Variants in ASB13 observed in about 807,000 individuals in gnomAD.
ASB13 encodes the protein ankyrin repeat and SOCS box protein 13.
A neutral mutation model predicts 28.8 loss-of-function variants in ASB13; 33 were observed. That is an observed-to-expected ratio of 1.15 (90% CI 0.87 to 1.53). The LOEUF (loss-of-function observed/expected upper bound fraction) is 1.53, where lower values mean the gene tolerates loss of function less well. Ranked by LOEUF, ASB13 falls within the 40% of genes most tolerant of loss-of-function variation. The pLI is 0.00. For synonymous variants in ASB13, 182 were observed against 172.9 expected (o/e 1.05, Z -0.41); for missense variants, 414 against 390.1 (o/e 1.06, Z -0.52).
At position 5,661,217 on chromosome 10, in the gene ASB13, C is replaced by T. The variant is rs891773287; in HGVS notation, c.43+5292G>A. The stretch of plus-strand genomic sequence containing the variant: ...CCCTGCACACTGCAGAGCTGGGCAC[C>T]TCCAGAGCCCATCCTCCACACTGCC... On this transcript the variant is annotated intron_variant, in intron 1 of 5. Coordinates refer to ENST00000357700, the MANE Select transcript of ASB13 (RefSeq NM_024701.4). This position sits in a 1 kb window ranked among gnomAD's most constrained non-coding sequence, Gnocchi z 4.9. Among the ~76,000 whole-genome samples, 6 of 152,124 alleles carry T rather than the reference C, an allele frequency of 3.9e-5. No individual in the cohort carries two copies. The highest frequency in any genetic ancestry group is 8.8e-5 in the Non-Finnish European group (6 of 68,022).
chr10:5,648,502 T>G (rs61832717), intron 4 of ASB13, among the ~76,000 whole-genome samples: 8,075 of 112,636 alleles, frequency 0.072, 774 homozygotes, highest in Non-Finnish European at 0.097. Flanking sequence ...AAACACCCAC[T>G]CGGGTAAACA....
rs1317963026 is a variant in ASB13 at position 5,660,331 on chromosome 10, C to A, written c.43+6178G>T. ...TGTGCCAGGTGTGGACCTTTCTGGA[C>A]CCCAGCTCCTCTTCCCCTCTCTTGC... On this transcript the variant is annotated intron_variant, in intron 1 of 5. Coordinates refer to ENST00000357700, the MANE Select transcript of ASB13 (RefSeq NM_024701.4). The surrounding 1 kb of genome is among the most constrained non-coding windows in gnomAD (Gnocchi z 6.1). 1.3e-5 allele frequency among the ~76,000 whole-genome samples: 2 copies of A among 152,214 alleles called. No homozygotes were observed. Among genetic ancestry groups the A allele is most frequent in the Non-Finnish European group, 2.9e-5 (2 of 68,038 alleles).
In ASB13 at chr10:5,653,657, C is replaced by CATTT. The variant is rs34881215; in HGVS notation, c.44-611_44-608dup. Among the ~76,000 whole-genome samples, 1,162 of 148,626 alleles carry CATTT rather than the reference C, an allele frequency of 7.8e-3. 8 individuals carry two copies. The highest frequency in any genetic ancestry group is 9.4e-3 in the African/African-American group (378 of 40,320). ...ACTTCTTCCTTTCTAATGTGGATGC[C>CATTT]ATTTATTTATTTATTTATTTATTTA... On this transcript the variant is annotated intron_variant, in intron 1 of 5. Coordinates refer to ENST00000357700, the MANE Select transcript of ASB13 (RefSeq NM_024701.4).
At chr10:5,647,171 G>C (rs959370495) in intron 4 of ASB13, among the ~76,000 whole-genome samples, 1 of 152,116 alleles carries the variant, frequency 6.6e-6, no homozygotes, top group African/African-American at 2.4e-5. Flanking sequence ...TGTTTCCCAG[G>C]CTGGCTGAAA....
rs1435907868 is a variant in ASB13 at position 5,652,036 on chromosome 10, A to ACG, written c.232-674_232-673insCG. On this transcript the variant is annotated intron_variant, in intron 2 of 5. Transcript: ENST00000357700. The surrounding 1 kb of genome is among the most constrained non-coding windows in gnomAD (Gnocchi z 5.0). ...AAAAAAAAAAAAAAACCACACACACACACACACACACACACACACACACAC... is the reference window on the plus strand; with the variant it reads ...AAAAAAAAAAAAAAACCACACACACACGCACACACACACACACACACACACAC... 7.5e-6 allele frequency among the ~76,000 whole-genome samples: 1 copy of ACG among 134,078 alleles called. No homozygotes were observed. The highest frequency in any genetic ancestry group is 1.6e-5 in the Non-Finnish European group (1 of 61,414). The allele number at this position is 134,078 out of a possible 152,430, so 88.0% of individuals were successfully genotyped here.
rs1834962134 is a variant in ASB13 at position 5,650,153 on chromosome 10, C to T, written c.383-1049G>A. 6.6e-6 allele frequency among the ~76,000 whole-genome samples: 1 copy of T among 152,118 alleles called. No individual in the cohort carries two copies. The highest frequency in any genetic ancestry group is 2.1e-4 in the South Asian group (1 of 4,824). On this transcript the variant is annotated intron_variant, in intron 3 of 5. Coordinates refer to ENST00000357700, the MANE Select transcript of ASB13 (RefSeq NM_024701.4). The surrounding 1 kb of genome is among the most constrained non-coding windows in gnomAD (Gnocchi z 6.0). ...CCTTCATACGAAATCCTATGGATTC[C>T]TTCCCCAACCCTACTAAATGAAACC...
In ASB13 at chr10:5,660,153, A is replaced by G. The variant is rs1019565017; in HGVS notation, c.43+6356T>C. 1.5e-4 allele frequency among the ~76,000 whole-genome samples: 23 copies of G among 152,204 alleles called. No individual in the cohort carries two copies. Among genetic ancestry groups the G allele is most frequent in the Non-Finnish European group, 2.9e-5 (2 of 68,032 alleles). ...GGCCTGAGCTCATGAATAGCCAAGC[A>G]AAAGCCTTTGCCCTGAAAACTAGAG... On this transcript the variant is annotated intron_variant, in intron 1 of 5. Coordinates refer to ENST00000357700, the MANE Select transcript of ASB13 (RefSeq NM_024701.4). This position sits in a 1 kb window ranked among gnomAD's most constrained non-coding sequence, Gnocchi z 6.1.
At chr10:5,648,092 CAAACACCCACTCAGGT>C (rs1834913965) in intron 4 of ASB13, among the ~76,000 whole-genome samples, 1 of 142,344 alleles carries the variant, frequency 7.0e-6, no homozygotes, top group Non-Finnish European at 1.5e-5. Flanking sequence ...CCCACGCAGG[CAAACACCCACTCAGGT>C]AAACACCCAC....
At chr10:5,662,565 GGAGAAGAGAA>G (rs1191915063) in intron 1 of ASB13, among the ~76,000 whole-genome samples, 706 of 14,448 alleles carry the variant, frequency 0.049, 15 homozygotes, top group African/African-American at 0.058. Flanking sequence ...GGAGGGGAGG[GGAGAAGAGAA>G]GAGAAGAGAA....
rs990342602 is a variant in ASB13 at position 5,644,477 on chromosome 10, C to T, written c.518-2516G>A. ...TACCACTGCACTCCAGCCTGGATGA[C>T]AGAGTGAGGCCCATAGTGAGAAAGA... On this transcript the variant is annotated intron_variant, in intron 4 of 5. Coordinates refer to ENST00000357700, the MANE Select transcript of ASB13 (RefSeq NM_024701.4). The surrounding 1 kb of genome is among the most constrained non-coding windows in gnomAD (Gnocchi z 5.1). Among the ~76,000 whole-genome samples the T allele has an allele frequency of 3.3e-5, 5 of 152,020 alleles. No homozygotes were observed. Among genetic ancestry groups the T allele is most frequent in the Non-Finnish European group, 5.9e-5 (4 of 68,020 alleles).
At position 5,663,006 on chromosome 10, in the gene ASB13, G is replaced by A. The variant is rs1305438249; in HGVS notation, c.43+3503C>T. Among the ~76,000 whole-genome samples, 3 of 152,130 alleles carry A rather than the reference G, an allele frequency of 2.0e-5. No homozygotes were observed. Among genetic ancestry groups the A allele is most frequent in the Admixed American group, 6.5e-5 (1 of 15,274 alleles). ...ACAAGTCTGGGCTCAGTGTTTTGTT[G>A]CTACAGTGATATTTTTCAACCATGT... On this transcript the variant is annotated intron_variant, in intron 1 of 5. Coordinates refer to ENST00000357700, the MANE Select transcript of ASB13 (RefSeq NM_024701.4). This position sits in a 1 kb window ranked among gnomAD's most constrained non-coding sequence, Gnocchi z 4.9.
chr10:5,666,563 G>T lies in ASB13; in HGVS notation c.-12C>A. On this transcript the variant is annotated 5_prime_UTR_variant, in exon 1 of 6. Coordinates refer to ENST00000357700, the MANE Select transcript of ASB13 (RefSeq NM_024701.4). ...GCCCGGGGCTCCATGCGGCTCACCGGCGGCCGCGCGGCGACTCTGGGCGCC... is the reference window on the plus strand; with the variant it reads ...GCCCGGGGCTCCATGCGGCTCACCGTCGGCCGCGCGGCGACTCTGGGCGCC... 8.7e-7 allele frequency: 1 copy of T among 1,152,400 alleles called. No individual in the cohort carries two copies. The highest frequency in any genetic ancestry group is 4.0e-5 in the South Asian group (1 of 24,790). The allele number at this position is 1,152,400 out of a possible 1,614,324, so 71.4% of individuals were successfully genotyped here.
At position 5,655,383 on chromosome 10, in the gene ASB13, AG is replaced by A. The variant is rs1050501120; in HGVS notation, c.44-2334del. ...TGTGATAACAATAGTTTCTCTTCAT[AG>A]GTGGACTATGAACATTCAGTGAATT... On this transcript the variant is annotated intron_variant, in intron 1 of 5. Coordinates refer to ENST00000357700, the MANE Select transcript of ASB13 (RefSeq NM_024701.4). This position sits in a 1 kb window ranked among gnomAD's most constrained non-coding sequence, Gnocchi z 6.2. Among the ~76,000 whole-genome samples the A allele has an allele frequency of 6.6e-6, 1 of 152,210 alleles. No individual in the cohort carries two copies. Among genetic ancestry groups the A allele is most frequent in the African/African-American group, 2.4e-5 (1 of 41,454 alleles).
chr10:5,646,830 A>C (rs4749987), intron 4 of ASB13, among the ~76,000 whole-genome samples: 28,088 of 152,120 alleles, frequency 0.18, 2,653 homozygotes, highest in Middle Eastern at 0.22. Flanking sequence ...TACTGAGCTC[A>C]TAAAGGCTTG....
In ASB13 at chr10:5,649,454, C is replaced by T. The variant is rs1046263361; in HGVS notation, c.383-350G>A. On this transcript the variant is annotated intron_variant, in intron 3 of 5. Transcript: ENST00000357700. This position sits in a 1 kb window ranked among gnomAD's most constrained non-coding sequence, Gnocchi z 6.4. The stretch of plus-strand genomic sequence containing the variant: ...CTACCTGCGGCTGTCAGCACTGAGC[C>T]CAGCCTCCCAGGAAACCCCCCAGAC... Among the ~76,000 whole-genome samples, 3 of 150,970 alleles carry T rather than the reference C, an allele frequency of 2.0e-5. No individual in the cohort carries two copies. Among genetic ancestry groups the T allele is most frequent in the African/African-American group, 7.3e-5 (3 of 41,378 alleles).
chr10:5,649,907 C>T lies in ASB13; in HGVS notation c.383-803G>A, dbSNP rs889673747. ...CGGGGTTCCAGGCCCCCCATCCTCC[C>T]GCCCCTGCACATTCCGTCTAGGCTC... On this transcript the variant is annotated intron_variant, in intron 3 of 5. Transcript: ENST00000357700. The surrounding 1 kb of genome is among the most constrained non-coding windows in gnomAD (Gnocchi z 6.4). Among the ~76,000 whole-genome samples, 2 of 152,184 alleles carry T rather than the reference C, an allele frequency of 1.3e-5. No individual in the cohort carries two copies. The highest frequency in any genetic ancestry group is 2.4e-5 in the African/African-American group (1 of 41,454).
At position 5,660,336 on chromosome 10, in the gene ASB13, G is replaced by C. The variant is rs573908935; in HGVS notation, c.43+6173C>G. 6.6e-5 allele frequency among the ~76,000 whole-genome samples: 10 copies of C among 152,280 alleles called. 1 individual carries two copies. The highest frequency in any genetic ancestry group is 6.5e-4 in the Admixed American group (10 of 15,290). ...CAGGTGTGGACCTTTCTGGACCCCAGCTCCTCTTCCCCTCTCTTGCCCCTT... is the reference window on the plus strand; with the variant it reads ...CAGGTGTGGACCTTTCTGGACCCCACCTCCTCTTCCCCTCTCTTGCCCCTT... On this transcript the variant is annotated intron_variant, in intron 1 of 5. Coordinates refer to ENST00000357700, the MANE Select transcript of ASB13 (RefSeq NM_024701.4). This position sits in a 1 kb window ranked among gnomAD's most constrained non-coding sequence, Gnocchi z 6.1.
At position 5,649,298 on chromosome 10, in the gene ASB13, C is replaced by G. The variant is rs1166531591; in HGVS notation, c.383-194G>C. ...GAAGCCAGGACACGGCTCTGCGCCC[C>G]GCTGAGGACGGAGGGCTCAAGGCAG... On this transcript the variant is annotated intron_variant, in intron 3 of 5. Transcript: ENST00000357700. This position sits in a 1 kb window ranked among gnomAD's most constrained non-coding sequence, Gnocchi z 6.4. Among the ~76,000 whole-genome samples, 1 of 152,186 alleles carries G rather than the reference C, an allele frequency of 6.6e-6. No homozygotes were observed. The highest frequency in any genetic ancestry group is 1.9e-4 in the East Asian group (1 of 5,176).
rs950610305 is a variant in ASB13 at position 5,642,269 on chromosome 10, T to A, written c.518-308A>T. Reference sequence around the variant, plus strand: ...GTTAAACAACCGTTCTAATGCCCTATCAATCTGCCTTCAGGGGTCCTGAGA... The same window carrying A: ...GTTAAACAACCGTTCTAATGCCCTAACAATCTGCCTTCAGGGGTCCTGAGA... On this transcript the variant is annotated intron_variant, in intron 4 of 5. Transcript: ENST00000357700. This position sits in a 1 kb window ranked among gnomAD's most constrained non-coding sequence, Gnocchi z 4.1. 1.3e-5 allele frequency among the ~76,000 whole-genome samples: 2 copies of A among 152,162 alleles called. No homozygotes were observed. The highest frequency in any genetic ancestry group is 2.9e-5 in the Non-Finnish European group (2 of 68,036).
Sources: gnomAD v4.1 joint callset for allele counts (sites outside exome capture counted in the v4.1 genomes callset) on GRCh38, gnomAD v4.1.1 for gene constraint, Gnocchi (gnomAD v3.1) non-coding constraint, MANE v1.5 for transcripts, NCBI Gene and HGNC (gene_info 2026-07-23, HGNC 2026-07-21) for gene names.